Variants in NRXN3 observed in about 807,000 individuals in gnomAD.
NRXN3 encodes the protein neurexin III.
A neutral mutation model predicts 137.6 loss-of-function variants in NRXN3; 32 were observed. That is an observed-to-expected ratio of 0.23 (90% CI 0.18 to 0.31). NRXN3 has a LOEUF of 0.31. NRXN3 is among the 10% of genes least tolerant of loss of function. The pLI is 1.00. For synonymous variants in NRXN3, 798 were observed against 784.5 expected, an observed-to-expected ratio of 1.02 and a Z score of -0.29; for missense variants, 1,574 against 2,062.5, an observed-to-expected ratio of 0.76 and a Z score of 4.59.
intron 15 of NRXN3, among the ~76,000 whole-genome samples, chr14:79,286,428 T>A (rs2082263592): frequency 6.6e-6 from 1 of 151,924 alleles, no homozygotes; most frequent in Non-Finnish European, 1.5e-5. Flanking sequence ...TTTAATTATT[T>A]TTCTCTTCAA....
At chr14:79,488,053 GCCCC>G (rs755925381) in intron 16 of NRXN3, among the ~76,000 whole-genome samples, 48 of 152,222 alleles carry the variant, frequency 3.2e-4, no homozygotes, top group Non-Finnish European at 6.6e-4. Context: ...TCATAAGCAG[GCCCC>G]CGAGCACCAA....
At chr14:78,371,921 T>A (rs889293915) in intron 4 of NRXN3, among the ~76,000 whole-genome samples, 1 of 152,170 alleles carries the variant, frequency 6.6e-6, no homozygotes, top group African/African-American at 2.4e-5. Flanking sequence ...ACTAGTATTA[T>A]CCCCATTTTA....
intron 4 of NRXN3, among the ~76,000 whole-genome samples, chr14:78,489,404 C>A (rs969364642): frequency 6.6e-6 from 1 of 152,226 alleles, no homozygotes; most frequent in African/African-American, 2.4e-5. Flanking sequence ...CAGGGACAGA[C>A]TGGCTAATGT....
At chr14:79,110,245 C>T (rs1021880124) in intron 15 of NRXN3, among the ~76,000 whole-genome samples, 4 of 152,182 alleles carry the variant, frequency 2.6e-5, no homozygotes, top group African/African-American at 7.2e-5. Flanking sequence ...ACACATTGTA[C>T]GTTCCAAGAG....
At chr14:79,408,620 C>T (rs954301687) in intron 15 of NRXN3, among the ~76,000 whole-genome samples, 1 of 152,076 alleles carries the variant, frequency 6.6e-6, no homozygotes, top group Non-Finnish European at 1.5e-5. Context: ...CTAGTGGGTT[C>T]ATCTGGGGCA....
At chr14:79,089,820 A>C (rs1230589572) in intron 15 of NRXN3, among the ~76,000 whole-genome samples, 1 of 152,092 alleles carries the variant, frequency 6.6e-6, no homozygotes. Context: ...AAACACAGAA[A>C]ATTCCATGGA....
chr14:78,734,037 G>A (rs897743701), intron 8 of NRXN3, among the ~76,000 whole-genome samples: 6 of 152,046 alleles, frequency 3.9e-5, no homozygotes, highest in African/African-American at 1.4e-4. Flanking sequence ...AAGAGAATAG[G>A]CCTAAATCTC....
chr14:79,667,355 G>A (rs2098566486), intron 17 of NRXN3, among the ~76,000 whole-genome samples: 1 of 151,934 alleles, frequency 6.6e-6, no homozygotes, highest in Non-Finnish European at 1.5e-5. Context: ...GAAGATTTAT[G>A]TTAAGTTATC....
At chr14:79,049,096 T>TAATA (rs1271852535) in intron 15 of NRXN3, among the ~76,000 whole-genome samples, 1 of 81,354 alleles carries the variant, frequency 1.2e-5, no homozygotes, top group African/African-American at 4.4e-5. Flanking sequence ...ATAATAATAA[T>TAATA]ATGATGGGGT....
intron 15 of NRXN3, among the ~76,000 whole-genome samples, chr14:79,460,962 C>A (rs1163010547): frequency 6.6e-6 from 1 of 152,126 alleles, no homozygotes; most frequent in East Asian, 1.9e-4. Context: ...GTGTTTATTT[C>A]AAAAAATTCA....
At chr14:78,956,069 A>T (rs879748124) in intron 10 of NRXN3, among the ~76,000 whole-genome samples, 4 of 152,158 alleles carry the variant, frequency 2.6e-5, no homozygotes, top group Admixed American at 6.5e-5. Context: ...GGTTTTCCAA[A>T]CTATTTCACA....
At chr14:78,450,747 AGCAAAGCC>A (rs2153705570) in intron 4 of NRXN3, among the ~76,000 whole-genome samples, 1 of 152,288 alleles carries the variant, frequency 6.6e-6, no homozygotes, top group South Asian at 2.1e-4. Context: ...GTAGATTGAA[AGCAAAGCC>A]GCTGTTGATT....
At position 79,347,473 on chromosome 14, in the gene NRXN3, G is replaced by A. The variant is rs2092949354; in HGVS notation, c.3263-119748G>A. 2.6e-5 allele frequency among the ~76,000 whole-genome samples: 4 copies of A among 151,844 alleles called. No individual in the cohort carries two copies. The South Asian group carries it at 8.3e-4, about 32-fold the overall frequency. ...GTCTCGCTCTGTCACCCAGGCTGGA[G>A]TGCAGTGGCGTGATCTCGGCTCACT... On this transcript the variant is annotated intron_variant, in intron 15 of 20. Transcript: ENST00000335750.
chr14:79,815,646 T>G (rs890498715), intron 20 of NRXN3, among the ~76,000 whole-genome samples: 1 of 152,166 alleles, frequency 6.6e-6, no homozygotes, highest in Admixed American at 6.5e-5. Context: ...CAGGTAAAGC[T>G]GCTTGCTGAT....
intron 4 of NRXN3, among the ~76,000 whole-genome samples, chr14:78,632,590 G>A (rs2097531834): frequency 1.3e-5 from 2 of 152,148 alleles, no homozygotes; most frequent in African/African-American, 4.8e-5. Flanking sequence ...ATATTAGAAG[G>A]ATTTAGTCCC....
chr14:79,853,335 A>G (rs2099395870), intron 20 of NRXN3, among the ~76,000 whole-genome samples: 1 of 152,136 alleles, frequency 6.6e-6, no homozygotes, highest in South Asian at 2.1e-4. Flanking sequence ...TATTTTGGCT[A>G]TTTTTAGTAG....
chr14:79,028,175 T>A (rs1052839077), intron 15 of NRXN3, among the ~76,000 whole-genome samples: 1 of 152,146 alleles, frequency 6.6e-6, no homozygotes, highest in Admixed American at 6.6e-5. Context: ...GACCAGAACA[T>A]TGATACCCAA....
intron 16 of NRXN3, among the ~76,000 whole-genome samples, chr14:79,571,064 G>C (rs1270134287): frequency 6.6e-6 from 1 of 152,120 alleles, no homozygotes; most frequent in Non-Finnish European, 1.5e-5. Flanking sequence ...CAAGTATTCA[G>C]TCTATGACAA....
chr14:79,158,586 T>C (rs1220743306), intron 15 of NRXN3, among the ~76,000 whole-genome samples: 2 of 151,902 alleles, frequency 1.3e-5, no homozygotes, highest in Admixed American at 1.3e-4. Context: ...GGTATGTGGA[T>C]TTATCCTTTA....
Sources: gnomAD v4.1 joint callset for allele counts (sites outside exome capture counted in the v4.1 genomes callset) on GRCh38, gnomAD v4.1.1 for gene constraint, MANE v1.5 for transcripts, NCBI Gene and HGNC (gene_info 2026-07-23, HGNC 2026-07-21) for gene names.